The following SGCZ variants were observed in gnomAD, a reference collection of about 807,000 sequenced individuals.
The protein encoded by SGCZ is zeta-sarcoglycan.
Under a neutral mutation model 41.3 loss-of-function variants are expected in SGCZ, and 40 were observed. The observed-to-expected ratio is 0.97, with a 90% CI of 0.75 to 1.26. The LOEUF is 1.26. Among genes scored for constraint, SGCZ ranks in the 50% most tolerant of loss-of-function variants. The pLI, the probability that SGCZ is intolerant of heterozygous loss-of-function variation, is 0.00. For missense variants in SGCZ, 552 were observed against 369.8 expected (o/e 1.49, Z -4.04); for synonymous variants, 206 against 137.5 (o/e 1.50, Z -3.49).
chr8:14,726,894 G>C (rs180934591), intron 1 of SGCZ, among the ~76,000 whole-genome samples: 74 of 152,018 alleles, frequency 4.9e-4, no homozygotes, highest in Non-Finnish European at 9.3e-4. Flanking sequence ...TCAACAAATA[G>C]CAAAGAAAGT....
intron 1 of SGCZ, among the ~76,000 whole-genome samples, chr8:14,784,127 A>G (rs1320999256): frequency 6.6e-6 from 1 of 151,284 alleles, no homozygotes; most frequent in Non-Finnish European, 1.5e-5. Flanking sequence ...CATGGTTCAC[A>G]GTACACTTGA....
At chr8:14,698,622 A>G (rs966168144) in intron 1 of SGCZ, among the ~76,000 whole-genome samples, 6 of 151,940 alleles carry the variant, frequency 3.9e-5, no homozygotes, top group African/African-American at 1.4e-4. Context: ...TGCATTTAGC[A>G]TATGTGTGGG....
At chr8:14,444,410 T>G (rs142765949) in intron 2 of SGCZ, among the ~76,000 whole-genome samples, 1 of 151,820 alleles carries the variant, frequency 6.6e-6, no homozygotes, top group Non-Finnish European at 1.5e-5. Context: ...TTGGAACCAA[T>G]CCAAATGTCC....
At chr8:14,643,254 C>A (rs955740691) in intron 1 of SGCZ, among the ~76,000 whole-genome samples, 5 of 151,390 alleles carry the variant, frequency 3.3e-5, no homozygotes, top group African/African-American at 1.2e-4. Context: ...TCTGTGGTGG[C>A]AATATACACA....
At chr8:14,603,728 C>T (rs188261616) in intron 1 of SGCZ, among the ~76,000 whole-genome samples, 66 of 152,224 alleles carry the variant, frequency 4.3e-4, no homozygotes, top group Non-Finnish European at 8.4e-4. Flanking sequence ...TAATTTTTCA[C>T]AGGCTTTCAA....
At chr8:15,194,806 A>G (rs967620643) in intron 1 of SGCZ, among the ~76,000 whole-genome samples, 2 of 151,472 alleles carry the variant, frequency 1.3e-5, no homozygotes, top group Non-Finnish European at 2.9e-5. Flanking sequence ...TGAAAACCCG[A>G]TTTTAGCCAA....
intron 3 of SGCZ, among the ~76,000 whole-genome samples, chr8:14,269,466 C>A (rs988085669): frequency 9.9e-5 from 15 of 151,980 alleles, no homozygotes; most frequent in African/African-American, 3.6e-4. Context: ...CGAGGCACTG[C>A]ATCAGAAATA....
rs937389810 is a variant in SGCZ at position 14,101,185 on chromosome 8, G to A, written c.744+1191C>T. Reference sequence around the variant, plus strand: ...TAATCACTAAAATTAAAAGCTCAATGTATGGATAAAATATGAGATTAGATA... The same window carrying A: ...TAATCACTAAAATTAAAAGCTCAATATATGGATAAAATATGAGATTAGATA... On this transcript the variant is annotated intron_variant, in intron 7 of 7. Coordinates refer to ENST00000382080, the MANE Select transcript of SGCZ (RefSeq NM_139167.4). 4.6e-5 allele frequency among the ~76,000 whole-genome samples: 7 copies of A among 152,202 alleles called. No homozygotes were observed. The East Asian group carries it at 1.4e-3, about 29-fold the overall frequency.
chr8:15,225,493 T>C (rs1013921315), intron 1 of SGCZ, among the ~76,000 whole-genome samples: 1 of 152,130 alleles, frequency 6.6e-6, no homozygotes, highest in Non-Finnish European at 1.5e-5. Context: ...TTTGAGTGTG[T>C]GTATCTGTAT....
chr8:14,101,959 A>G (rs1802035236), intron 7 of SGCZ, among the ~76,000 whole-genome samples: 1 of 151,624 alleles, frequency 6.6e-6, no homozygotes, highest in African/African-American at 2.4e-5. Flanking sequence ...AGTGGTATGA[A>G]GCAAGCTCCG....
At chr8:14,257,514 G>C (rs1799509717) in intron 3 of SGCZ, among the ~76,000 whole-genome samples, 1 of 151,626 alleles carries the variant, frequency 6.6e-6, no homozygotes, top group African/African-American at 2.4e-5. Context: ...TTTAGTTCTA[G>C]GGTACATGTG....
At chr8:14,132,702 G>C (rs1170244940) in intron 5 of SGCZ, among the ~76,000 whole-genome samples, 1 of 151,998 alleles carries the variant, frequency 6.6e-6, no homozygotes, top group Non-Finnish European at 1.5e-5. Flanking sequence ...CATTTATCTT[G>C]TTCCTTTTAG....
intron 3 of SGCZ, among the ~76,000 whole-genome samples, chr8:14,272,998 AT>A (rs1191338255): frequency 6.6e-6 from 1 of 152,204 alleles, no homozygotes; most frequent in East Asian, 1.9e-4. Context: ...ACAAAGTTAC[AT>A]TTAAGTAAAA....
chr8:14,778,770 G>A (rs1027913857), intron 1 of SGCZ, among the ~76,000 whole-genome samples: 1 of 152,164 alleles, frequency 6.6e-6, no homozygotes, highest in Non-Finnish European at 1.5e-5. Flanking sequence ...CAAGAACACA[G>A]TGAGATATAA....
At chr8:14,477,302 T>C (rs533783354) in intron 2 of SGCZ, among the ~76,000 whole-genome samples, 25 of 152,280 alleles carry the variant, frequency 1.6e-4, no homozygotes, top group African/African-American at 6.0e-4. Flanking sequence ...AGCAAAACCC[T>C]TTAAAACCAA....
chr8:14,684,482 G>T (rs1380932736), intron 1 of SGCZ, among the ~76,000 whole-genome samples: 1 of 152,142 alleles, frequency 6.6e-6, no homozygotes, highest in Non-Finnish European at 1.5e-5. Flanking sequence ...TTGGGACATT[G>T]TAGTGAGTTG....
chr8:14,205,816 C>T (rs1805596587), intron 4 of SGCZ, among the ~76,000 whole-genome samples: 1 of 152,012 alleles, frequency 6.6e-6, no homozygotes, highest in Non-Finnish European at 1.5e-5. Context: ...CTATTTGATG[C>T]ACTGAGATTT....
chr8:14,640,791 C>G (rs1563172440), intron 1 of SGCZ, among the ~76,000 whole-genome samples: 1 of 151,582 alleles, frequency 6.6e-6, no homozygotes, highest in Non-Finnish European at 1.5e-5. Context: ...TGTCCAGAGA[C>G]AGTCAAAGCA....
chr8:15,012,424 C>G (rs934101640), intron 1 of SGCZ, among the ~76,000 whole-genome samples: 2 of 149,430 alleles, frequency 1.3e-5, no homozygotes, highest in African/African-American at 2.5e-5. Context: ...GATCACCTCA[C>G]TGCACTCCAG....
Sources: gnomAD v4.1 joint callset for allele counts (sites outside exome capture counted in the v4.1 genomes callset) on GRCh38, gnomAD v4.1.1 for gene constraint, MANE v1.5 for transcripts, NCBI Gene and HGNC (gene_info 2026-07-23, HGNC 2026-07-21) for gene names.